Variants in DLGAP2 observed in about 807,000 individuals in gnomAD.
DLGAP2 encodes disks large-associated protein 2.
In DLGAP2, 26 loss-of-function variants were observed where a neutral mutation model predicts 100.3. The observed-to-expected ratio is 0.26, with a 90% CI of 0.19 to 0.36. The LOEUF (loss-of-function observed/expected upper bound fraction) is 0.36, where lower values mean the gene tolerates loss of function less well. Among genes scored for constraint, DLGAP2 ranks in the 10% least tolerant of loss-of-function variants. The pLI, the probability that DLGAP2 is intolerant of heterozygous loss-of-function variation, is 1.00. For synonymous variants in DLGAP2, 886 were observed against 630.1 expected (o/e 1.41, Z -6.08); for missense variants, 1,858 against 1,453.2 (o/e 1.28, Z -4.53).
At chr8:1,699,799 A>G (rs550964097) in intron 14 of DLGAP2, among the ~76,000 whole-genome samples, 64 of 152,234 alleles carry the variant, frequency 4.2e-4, no homozygotes, top group Non-Finnish European at 7.6e-4. Context: ...GGACACTCCT[A>G]CAGTGCCACA....
intron 2 of DLGAP2, among the ~76,000 whole-genome samples, chr8:1,247,285 C>CAGTGTGGGAGTGATGGTCCATGTT (rs1798931619): frequency 4.3e-5 from 3 of 69,698 alleles, no homozygotes; most frequent in Admixed American, 1.6e-4. Flanking sequence ...TGGTCCACAT[C>CAGTGTGGGAGTGATGGTCCATGTT]GGTGGCTGGG....
intron 2 of DLGAP2, among the ~76,000 whole-genome samples, chr8:1,168,231 A>G (rs1044290810): frequency 1.3e-5 from 2 of 151,950 alleles, no homozygotes; most frequent in African/African-American, 2.4e-5. Context: ...TTATGGTTGC[A>G]TAGTATTCCA....
At chr8:1,102,390 TA>T in intron 2 of DLGAP2, among the ~76,000 whole-genome samples, 1 of 149,380 alleles carries the variant, frequency 6.7e-6, no homozygotes, top group Non-Finnish European at 1.5e-5. Context: ...TATAGATACA[TA>T]AAACATTACA....
At chr8:1,591,565 G>A (rs1796291754) in intron 6 of DLGAP2, among the ~76,000 whole-genome samples, 2 of 150,292 alleles carry the variant, frequency 1.3e-5, no homozygotes, top group Non-Finnish European at 3.0e-5. Context: ...GTTCACCCCT[G>A]CAGCCTATTT....
chr8:1,524,672 A>G (rs1406341809), intron 4 of DLGAP2, among the ~76,000 whole-genome samples: 1 of 152,032 alleles, frequency 6.6e-6, no homozygotes, highest in African/African-American at 2.4e-5. Flanking sequence ...TTTCCATATA[A>G]TCACATAAAA....
chr8:1,432,915 G>T (rs1797493999), intron 3 of DLGAP2, among the ~76,000 whole-genome samples: 1 of 152,180 alleles, frequency 6.6e-6, no homozygotes, highest in South Asian at 2.1e-4. Context: ...CCCTGGGAAT[G>T]GCGAGCATCG....
At chr8:891,860 C>G (rs1798042426) in intron 1 of DLGAP2, among the ~76,000 whole-genome samples, 1 of 152,154 alleles carries the variant, frequency 6.6e-6, no homozygotes, top group South Asian at 2.1e-4. Context: ...GGGGGAGGAC[C>G]TTGGGAGAGC....
chr8:1,054,398 C>T (rs1330234775), intron 2 of DLGAP2, among the ~76,000 whole-genome samples: 1 of 152,270 alleles, frequency 6.6e-6, no homozygotes, highest in African/African-American at 2.4e-5. Context: ...GGACTTTACT[C>T]TTGGCTCCAA....
chr8:1,329,863 A>T (rs1443377202), intron 3 of DLGAP2, among the ~76,000 whole-genome samples: 1 of 152,152 alleles, frequency 6.6e-6, no homozygotes, highest in Non-Finnish European at 1.5e-5. Flanking sequence ...ATATTTCAGA[A>T]CCTTGTCTTC....
chr8:1,330,948 C>G (rs991785229), intron 3 of DLGAP2, among the ~76,000 whole-genome samples: 12 of 145,744 alleles, frequency 8.2e-5, no homozygotes, highest in Admixed American at 6.9e-4. Flanking sequence ...GGACTGAGTT[C>G]TGGGTGGGAG....
Position 907,794 on chromosome 8 carries a change from C to T in DLGAP2, c.19-118C>T, listed in dbSNP as rs149143600. 606 of 394,378 alleles carry T rather than the reference C, an allele frequency of 1.5e-3. 1 individual carries two copies. Among genetic ancestry groups the T allele is most frequent in the Non-Finnish European group, 2.3e-3 (504 of 223,744 alleles). 24.4% of individuals were successfully genotyped at this position (394,378 alleles called of 1,614,324 possible). ...TTAATTTGTTAGGCCTTTCTGGGCACGCTGACTTTGTGCAACATTGAACTA... is the reference window on the plus strand; with the variant it reads ...TTAATTTGTTAGGCCTTTCTGGGCATGCTGACTTTGTGCAACATTGAACTA... On this transcript the variant is annotated intron_variant, in intron 1 of 14. Coordinates refer to ENST00000637795, the MANE Select transcript of DLGAP2 (RefSeq NM_001346810.2).
At chr8:1,317,931 C>T (rs191017782) in intron 3 of DLGAP2, among the ~76,000 whole-genome samples, 237 of 50,048 alleles carry the variant, frequency 4.7e-3, no homozygotes, top group Middle Eastern at 0.019. Context: ...CACTCGTCAG[C>T]GTTTAAAAAT....
intron 12 of DLGAP2, 148 bp from the exon 13 acceptor site, chr8:1,691,387 G>A: frequency 3.1e-6 from 2 of 643,292 alleles, no homozygotes; most frequent in Non-Finnish European, 5.3e-6. Context: ...ACTAAGGCAC[G>A]AGTCACCAGC....
chr8:764,142 T>A (rs929695216), intron 1 of DLGAP2, among the ~76,000 whole-genome samples: 1 of 152,198 alleles, frequency 6.6e-6, no homozygotes, highest in Non-Finnish European at 1.5e-5. Context: ...CATGACATGC[T>A]GTCTGAATTG....
chr8:1,224,136 C>G (rs1342290546), intron 2 of DLGAP2, among the ~76,000 whole-genome samples: 1 of 152,134 alleles, frequency 6.6e-6, no homozygotes. Context: ...TAGGTTTTCT[C>G]CTCTCAAAGG....
chr8:1,671,588 CT>C (rs1798692039), intron 10 of DLGAP2, among the ~76,000 whole-genome samples: 1 of 152,188 alleles, frequency 6.6e-6, no homozygotes, highest in African/African-American at 2.4e-5. Flanking sequence ...ATTGCATGAC[CT>C]TTTACTATCA....
intron 2 of DLGAP2, among the ~76,000 whole-genome samples, chr8:1,136,449 T>A (rs375914573): frequency 6.6e-6 from 1 of 152,192 alleles, no homozygotes; most frequent in Non-Finnish European, 1.5e-5. Flanking sequence ...TGGCTCCCCA[T>A]ACAGGCCGGG....
At chr8:1,205,665 A>G (rs7461105) in intron 2 of DLGAP2, among the ~76,000 whole-genome samples, 86,014 of 151,968 alleles carry the variant, frequency 0.57, 26,710 homozygotes, top group African/African-American at 0.83. Flanking sequence ...ACAGGTGGGA[A>G]GGCTGGACAG....
Position 1,704,852 on chromosome 8 carries a change from G to C in DLGAP2, c.*3446G>C, listed in dbSNP as rs570606599. 6.6e-6 allele frequency: 1 copy of C among 152,092 alleles called. No individual in the cohort carries two copies. Among genetic ancestry groups the C allele is most frequent in the Non-Finnish European group, 1.5e-5 (1 of 68,014 alleles). 9.4% of individuals were successfully genotyped at this position (152,092 alleles called of 1,614,324 possible). On this transcript the variant is annotated 3_prime_UTR_variant, in exon 15 of 15. Coordinates refer to ENST00000637795, the MANE Select transcript of DLGAP2 (RefSeq NM_001346810.2). ...CTGCTGCTTCTTATGAAAGTGGCCAGGTTTATTATTAGAAGACACAGTGGC... is the reference window on the plus strand; with the variant it reads ...CTGCTGCTTCTTATGAAAGTGGCCACGTTTATTATTAGAAGACACAGTGGC...
Sources: allele counts gnomAD v4.1 joint callset (sites outside exome capture counted in the v4.1 genomes callset), GRCh38; gene constraint gnomAD v4.1.1; transcripts MANE v1.5; gene names NCBI Gene and HGNC (gene_info 2026-07-23, HGNC 2026-07-21).